The following REM2 variants were observed in gnomAD, a reference collection of about 807,000 sequenced individuals.
REM2 encodes GTP-binding protein REM 2.
REM2 carries 24 observed loss-of-function variants against 24.4 expected under a neutral mutation model. The ratio of observed to expected loss-of-function variants is 0.98; its 90% confidence interval spans 0.71 to 1.38. The LOEUF (loss-of-function observed/expected upper bound fraction) is 1.38, where lower values mean the gene tolerates loss of function less well. Ranked by LOEUF, REM2 falls within the 40% of genes most tolerant of loss-of-function variation. REM2 has a pLI of 0.00. For synonymous variants in REM2, 187 were observed against 198.0 expected, an observed-to-expected ratio of 0.94 and a Z score of 0.47; for missense variants, 429 against 467.8, an observed-to-expected ratio of 0.92 and a Z score of 0.77.
At position 22,885,314 on chromosome 14, in the gene REM2, T is replaced by C; in HGVS notation, c.494T>C (p.Leu165Pro). ...ATGGTGGATAAGGAGGAAGTGACTC[T>C]AGTCGTTTATGACATCTGGGAACAG... ...RIMVDKEEVT[L>P]VVYDIWEQGD... Residue 165 changes from leucine (L) to proline (P), a missense_variant, in exon 3 of 5, where the codon CTA (leucine) becomes CCA (proline). Coordinates refer to ENST00000267396, the MANE Select transcript of REM2 (RefSeq NM_173527.3). The C allele has an allele frequency of 6.2e-7, 1 of 1,613,500 alleles. No individual in the cohort carries two copies. Among genetic ancestry groups the C allele is most frequent in the Non-Finnish European group, 8.5e-7 (1 of 1,179,408 alleles).
At position 22,886,374 on chromosome 14, in the gene REM2, C is replaced by T. The variant is rs1368003750; in HGVS notation, c.727+143C>T. The T allele has an allele frequency of 3.7e-6, 3 of 805,064 alleles. No homozygotes were observed. Among genetic ancestry groups the T allele is most frequent in the Non-Finnish European group, 4.0e-6 (2 of 495,214 alleles). 49.9% of individuals were successfully genotyped at this position (805,064 alleles called of 1,614,324 possible). On this transcript the variant is annotated intron_variant, in intron 4 of 4. Transcript: ENST00000267396. The surrounding 1 kb of genome is among the most constrained non-coding windows in gnomAD (Gnocchi z 5.9). ...CCAGGCTAGGGGGACACTCCCAATG[C>T]CCCACTCGAGGATCCTGAGAATCCC...
At position 22,886,207 on chromosome 14, in the gene REM2, C is replaced by G; in HGVS notation, c.703C>G (p.Arg235Gly). The change falls in exon 4 of 5, where the codon CGC (arginine) becomes GGC (glycine). Residue 235 changes from arginine to glycine, a missense_variant. By Grantham distance (125) the Arg-to-Gly change is moderately radical. Transcript: ENST00000267396. The surrounding 1 kb of genome is among the most constrained non-coding windows in gnomAD (Gnocchi z 5.9). ...CGTTGGAAACAAGAGCGACTTGGCC[C>G]GCTCCCGGGAGGTATCACTGGAGGG... ...ILVGNKSDLA[R>G]SREVSLEEGR... The G allele has an allele frequency of 6.2e-7, 1 of 1,613,372 alleles. No homozygotes were observed. The highest frequency in any genetic ancestry group is 1.1e-5 in the South Asian group (1 of 90,966).
Position 22,887,073 on chromosome 14 carries a change from C to G in REM2, c.*164C>G. On this transcript the variant is annotated 3_prime_UTR_variant, in exon 5 of 5. Transcript: ENST00000267396. ...GACCGCCGGGGGCGGCCCGGGGCCG[C>G]TCGGCGGCACCTCCACACCCGCCCC... is the stretch of plus-strand genomic sequence containing the variant. 3.7e-6 allele frequency: 2 copies of G among 533,510 alleles called. No individual in the cohort carries two copies. The highest frequency in any genetic ancestry group is 6.1e-6 in the Non-Finnish European group (2 of 325,578). The allele number at this position is 533,510 out of a possible 1,614,324, so 33.0% of individuals were successfully genotyped here. A position where few individuals can be genotyped will look rare whatever the true frequency, so the allele number is the denominator to read the frequency against.
intron 1 of REM2, among the ~76,000 whole-genome samples, chr14:22,883,856 C>T (rs2040092870): frequency 6.6e-6 from 1 of 151,996 alleles, no homozygotes; most frequent in Non-Finnish European, 1.5e-5. Context: ...TGTTGTTCCT[C>T]CTCCAGTTAC....
rs1298721998 is a variant in REM2, at chr14:22,886,230, G to A, written c.726G>A (p.Glu242=). 1 of 1,609,850 alleles carries A rather than the reference G, an allele frequency of 6.2e-7. No homozygotes were observed. The highest frequency in any genetic ancestry group is 1.1e-5 in the South Asian group (1 of 90,488). ...CCCGCTCCCGGGAGGTATCACTGGA[G>A]GGTGTGTATCCTGAACAGATTCCAT... ...DLARSREVSL[E]EGRHLAGTLS... Residue 242 remains glutamate (E), a splice_region_variant and synonymous_variant, in exon 4 of 5, where the codon GAG becomes GAA. Coordinates refer to ENST00000267396, the MANE Select transcript of REM2 (RefSeq NM_173527.3). The surrounding 1 kb of genome is among the most constrained non-coding windows in gnomAD (Gnocchi z 5.9).
At chr14:22,885,235 G>A (rs774218813) in intron 2 of REM2, 31 bp from the exon 3 acceptor site, 2 of 1,595,082 alleles carry the variant, frequency 1.3e-6, no homozygotes, top group South Asian at 2.2e-5. Context: ...CCTCCTAATG[G>A]ACTTTATACC....
Position 22,883,326 on chromosome 14 carries a change from A to G in REM2, c.39A>G (p.Thr13=). ...TGGACACAGACATGGACATGGACAC[A>G]GAAACCACAGCACTCTGCCCCTCTG... is the stretch of plus-strand genomic sequence containing the variant. ...TDLDTDMDMD[T]ETTALCPSGS... is the part of the protein sequence containing the mutation. Residue 13 remains threonine, a synonymous_variant, in exon 1 of 5, where the codon ACA becomes ACG. Transcript: ENST00000267396. The G allele has an allele frequency of 1.3e-6, 2 of 1,562,220 alleles. No homozygotes were observed. The highest frequency in any genetic ancestry group is 1.7e-6 in the Non-Finnish European group (2 of 1,153,668).
At position 22,886,214 on chromosome 14, in the gene REM2, G is replaced by A. The variant is rs1475281221; in HGVS notation, c.710G>A (p.Arg237Gln). ...AACAAGAGCGACTTGGCCCGCTCCC[G>A]GGAGGTATCACTGGAGGGTGTGTAT... ...VGNKSDLARS[R>Q]EVSLEEGRHL... Residue 237 changes from arginine (R) to glutamine (Q), a missense_variant, in exon 4 of 5, where the codon CGG (arginine) becomes CAG (glutamine). By Grantham distance (43) the Arg-to-Gln change is conservative. Transcript: ENST00000267396. The surrounding 1 kb of genome is among the most constrained non-coding windows in gnomAD (Gnocchi z 5.9). 1.2e-6 allele frequency: 2 copies of A among 1,612,608 alleles called. No homozygotes were observed. The highest frequency in any genetic ancestry group is 2.7e-5 in the African/African-American group (2 of 74,876).
At chr14:22,885,161 C>T in intron 2 of REM2, 105 bp from the exon 3 acceptor site, 1 of 1,368,056 alleles carries the variant, frequency 7.3e-7, no homozygotes, top group Non-Finnish European at 1.0e-6. Flanking sequence ...TGAAGAGGGG[C>T]AGGGTTCCCT....
At chr14:22,884,240 GTT>G in intron 1 of REM2, 2 of 985,450 alleles carry the variant, frequency 2.0e-6, no homozygotes, top group Non-Finnish European at 2.4e-6. Flanking sequence ...CTGCTCCTCA[GTT>G]TGGGGATTAC....
chr14:22,885,705 G>A (rs2040118791), intron 3 of REM2, among the ~76,000 whole-genome samples: 1 of 152,240 alleles, frequency 6.6e-6, no homozygotes, highest in Non-Finnish European at 1.5e-5. Flanking sequence ...GGGGAAAAAA[G>A]TGAGGACTTC....
chr14:22,886,714 G>C lies in REM2; in HGVS notation c.828G>C (p.Gln276His), dbSNP rs1252612047. 35 of 1,514,552 alleles carry C rather than the reference G, an allele frequency of 2.3e-5. No individual in the cohort carries two copies. The highest frequency in any genetic ancestry group is 3.1e-5 in the Non-Finnish European group (35 of 1,132,536). 93.8% of individuals were successfully genotyped at this position (1,514,552 alleles called of 1,614,324 possible). ...TRELFEGAVR[Q>H]IRLRRGRNHA... is the part of the protein sequence containing the mutation. ...AGCTCTTCGAGGGCGCGGTGCGCCA[G>C]ATCCGGCTGCGGCGGGGCCGAAACC... The change falls in exon 5 of 5, where the codon CAG (glutamine) becomes CAC (histidine). Residue 276 changes from glutamine (Q) to histidine (H), a missense_variant. By Grantham distance (24) the Gln-to-His change is conservative. Coordinates refer to ENST00000267396, the MANE Select transcript of REM2 (RefSeq NM_173527.3). The surrounding 1 kb of genome is among the most constrained non-coding windows in gnomAD (Gnocchi z 5.9).
At position 22,883,260 on chromosome 14, in the gene REM2, A is replaced by G. The variant is rs1248306400; in HGVS notation, c.-28A>G. 2.8e-6 allele frequency: 2 copies of G among 720,620 alleles called. No individual in the cohort carries two copies. Among genetic ancestry groups the G allele is most frequent in the Non-Finnish European group, 4.4e-6 (2 of 452,194 alleles). 44.6% of individuals were successfully genotyped at this position (720,620 alleles called of 1,614,324 possible). A position where few individuals can be genotyped will look rare whatever the true frequency, so the allele number is the denominator to read the frequency against. ...GGTGCTGCGAGCTGCTGGGCTGCAC[A>G]CGCACACGCACACGCACACGCACAC... On this transcript the variant is annotated 5_prime_UTR_variant, in exon 1 of 5. Coordinates refer to ENST00000267396, the MANE Select transcript of REM2 (RefSeq NM_173527.3).
intron 1 of REM2, 85 bp downstream of exon 1, chr14:22,883,475 AG>A: frequency 8.3e-7 from 1 of 1,206,834 alleles, no homozygotes; most frequent in Non-Finnish European, 1.2e-6. Context: ...CTAGGGGTTG[AG>A]GGAGCTTGAG....
In REM2 at chr14:22,886,910, G is replaced by A; in HGVS notation, c.*1G>A. 6.9e-7 allele frequency: 1 copy of A among 1,457,066 alleles called. No homozygotes were observed. Among genetic ancestry groups the A allele is most frequent in the Non-Finnish European group, 9.1e-7 (1 of 1,100,886 alleles). The allele number at this position is 1,457,066 out of a possible 1,614,324, so 90.3% of individuals were successfully genotyped here. A position where few individuals can be genotyped will look rare whatever the true frequency, so the allele number is the denominator to read the frequency against. On this transcript the variant is annotated 3_prime_UTR_variant, in exon 5 of 5. Transcript: ENST00000267396. This position sits in a 1 kb window ranked among gnomAD's most constrained non-coding sequence, Gnocchi z 5.9. ...GTGTCACGACCTCTCGGTGCTCTGA[G>A]CCGCGGTCGCCATGGCCACTGCGGT...
In REM2 at chr14:22,887,011, G is replaced by A; in HGVS notation, c.*102G>A. ...CCGTCCGGCTTCCTTGGTGGAGGCC[G>A]TCTAGGAAACCAAAAACTCCCAGGA... On this transcript the variant is annotated 3_prime_UTR_variant, in exon 5 of 5. Transcript: ENST00000267396. The A allele has an allele frequency of 8.8e-7, 1 of 1,141,402 alleles. No individual in the cohort carries two copies. Among genetic ancestry groups the A allele is most frequent in the Admixed American group, 3.7e-5 (1 of 27,320 alleles). The allele number at this position is 1,141,402 out of a possible 1,614,324, so 70.7% of individuals were successfully genotyped here. A position where few individuals can be genotyped will look rare whatever the true frequency, so the allele number is the denominator to read the frequency against.
intron 1 of REM2, chr14:22,884,262 A>G: frequency 2.0e-6 from 2 of 985,460 alleles, no homozygotes; most frequent in Non-Finnish European, 2.4e-6. Flanking sequence ...CCAGTGCTGG[A>G]AACAGGAGGA....
rs2040105193 is a variant in REM2, at chr14:22,884,734, G to C, written c.164G>C (p.Gly55Ala). The stretch of plus-strand genomic sequence containing the variant: ...CTGTTGGCAGAGTTGGACCGGAGCG[G>C]GTTACCCTCTGCCCCTGGGGCCCCC... The part of the protein sequence containing the change: ...EKLLAELDRS[G>A]LPSAPGAPRR... Residue 55 changes from glycine to alanine, a missense_variant, in exon 2 of 5, where the codon GGG (glycine) becomes GCG (alanine). Physicochemically the swap from Gly to Ala is moderately conservative, Grantham distance 60. Transcript: ENST00000267396. The C allele has an allele frequency of 1.9e-6, 3 of 1,613,880 alleles. No homozygotes were observed. Among genetic ancestry groups the C allele is most frequent in the South Asian group, 2.2e-5 (2 of 91,080 alleles).
chr14:22,883,915 A>ACG (rs2040093996), intron 1 of REM2, among the ~76,000 whole-genome samples: 1 of 151,514 alleles, frequency 6.6e-6, no homozygotes, highest in East Asian at 1.9e-4. Flanking sequence ...ACACACACAC[A>ACG]CACACACACT....
Sources: allele counts gnomAD v4.1 joint callset (sites outside exome capture counted in the v4.1 genomes callset), GRCh38; gene constraint gnomAD v4.1.1; non-coding constraint Gnocchi (gnomAD v3.1); transcripts MANE v1.5; gene names NCBI Gene and HGNC (gene_info 2026-07-23, HGNC 2026-07-21).